The following SPATA16 variants were observed in gnomAD, a reference collection of about 807,000 sequenced individuals.
The protein encoded by SPATA16 is spermatogenesis associated 16, also known as spermatogenesis-associated protein 16.
A neutral mutation model predicts 63.3 loss-of-function variants in SPATA16; 36 were observed. The ratio of observed to expected loss-of-function variants is 0.57; its 90% CI spans 0.44 to 0.75. The LOEUF (loss-of-function observed/expected upper bound fraction) is 0.75. Among genes scored for constraint, SPATA16 ranks in the 30% least tolerant of loss-of-function variants. The pLI is 0.00. For missense variants in SPATA16, 646 were observed against 679.3 expected, an observed-to-expected ratio of 0.95 and a Z score of 0.54; for synonymous variants, 203 against 216.7, an observed-to-expected ratio of 0.94 and a Z score of 0.56.
intron 1 of SPATA16, among the ~76,000 whole-genome samples, chr3:173,122,804 C>T (rs1249651266): frequency 5.3e-5 from 8 of 152,206 alleles, no homozygotes; most frequent in African/African-American, 9.6e-5. Flanking sequence ...TTTACTAGAC[C>T]GTGAACTGCT....
intron 6 of SPATA16, among the ~76,000 whole-genome samples, chr3:172,937,439 C>T (rs575338144): frequency 6.6e-6 from 1 of 152,194 alleles, no homozygotes; most frequent in South Asian, 2.1e-4. Context: ...AATATACAAT[C>T]CCTTGGCTAT....
At chr3:172,955,453 G>A (rs909779658) in intron 6 of SPATA16, among the ~76,000 whole-genome samples, 7 of 151,970 alleles carry the variant, frequency 4.6e-5, no homozygotes, top group Non-Finnish European at 8.8e-5. Context: ...ATATGAGTTC[G>A]AAGACTTTTT....
chr3:172,928,961 A>G (rs1732801937), intron 6 of SPATA16, among the ~76,000 whole-genome samples: 1 of 152,202 alleles, frequency 6.6e-6, no homozygotes, highest in Admixed American at 6.5e-5. Context: ...CCAGATGTTG[A>G]ATCTCATGTA....
chr3:173,069,539 T>C (rs1736615231), intron 2 of SPATA16, among the ~76,000 whole-genome samples: 3 of 152,242 alleles, frequency 2.0e-5, no homozygotes, highest in African/African-American at 7.2e-5. Context: ...ACTTCACTGC[T>C]GAATTCTACC....
intron 6 of SPATA16, among the ~76,000 whole-genome samples, chr3:172,954,281 G>A (rs150609067): frequency 9.5e-4 from 145 of 152,298 alleles, no homozygotes; most frequent in African/African-American, 3.3e-3. Flanking sequence ...GAGAACTTGT[G>A]CAGGGGAACT....
At chr3:173,062,623 G>T (rs985680754) in intron 2 of SPATA16, among the ~76,000 whole-genome samples, 2 of 152,196 alleles carry the variant, frequency 1.3e-5, no homozygotes, top group East Asian at 3.9e-4. Flanking sequence ...TGAAATTCAG[G>T]TTTGCTGTCT....
intron 8 of SPATA16, among the ~76,000 whole-genome samples, chr3:172,923,127 A>G (rs114337344): frequency 0.019 from 2,884 of 152,208 alleles, 27 homozygotes; most frequent in Middle Eastern, 0.058. Flanking sequence ...CATGGGCCTG[A>G]TGATGAGGGT....
chr3:173,043,914 G>A (rs1735902718), intron 3 of SPATA16, among the ~76,000 whole-genome samples: 1 of 152,098 alleles, frequency 6.6e-6, no homozygotes, highest in Non-Finnish European at 1.5e-5. Context: ...GCACTTTAAA[G>A]TTGTCGTTCC....
chr3:173,020,820 C>T (rs1447005037), intron 3 of SPATA16, among the ~76,000 whole-genome samples: 1 of 152,118 alleles, frequency 6.6e-6, no homozygotes, highest in Non-Finnish European at 1.5e-5. Context: ...TGTTACAGAA[C>T]CAACGCATGA....
At chr3:173,032,861 G>A (rs1370169659) in intron 3 of SPATA16, among the ~76,000 whole-genome samples, 1 of 151,996 alleles carries the variant, frequency 6.6e-6, no homozygotes, top group African/African-American at 2.4e-5. Context: ...GCACATAATA[G>A]GCAGTCAATA....
intron 2 of SPATA16, among the ~76,000 whole-genome samples, chr3:173,071,015 G>GA (rs1221530373): frequency 6.6e-6 from 1 of 152,118 alleles, no homozygotes; most frequent in Non-Finnish European, 1.5e-5. Context: ...GCTATCCTGA[G>GA]AAAAAACAAT....
At chr3:172,899,242 A>G (rs1297987342) in intron 10 of SPATA16, among the ~76,000 whole-genome samples, 6 of 152,018 alleles carry the variant, frequency 3.9e-5, no homozygotes, top group African/African-American at 1.4e-4. Context: ...ATCTCCAACT[A>G]TAACTGTGGA....
intron 6 of SPATA16, among the ~76,000 whole-genome samples, chr3:172,935,898 T>C (rs1732980470): frequency 6.6e-6 from 1 of 152,118 alleles, no homozygotes. Context: ...TAACATTCTA[T>C]GGTATGGAAA....
Position 172,952,679 on chromosome 3 carries a change from C to T in SPATA16, c.1081+3998G>A, listed in dbSNP as rs143579212. Among the ~76,000 whole-genome samples, 149 of 152,208 alleles carry T rather than the reference C, an allele frequency of 9.8e-4. 1 individual carries two copies. The highest frequency in any genetic ancestry group is 3.4e-3 in the African/African-American group (143 of 41,524). On this transcript the variant is annotated intron_variant, in intron 6 of 10. Transcript: ENST00000351008. ...AGTTTGGGCCGGGTGCAGTGGCTCA[C>T]GCCTGTAATCCCAGCACTTTGGGAG... is the stretch of plus-strand genomic sequence containing the variant.
chr3:173,007,024 G>A (rs1734959890), intron 4 of SPATA16, among the ~76,000 whole-genome samples: 1 of 152,118 alleles, frequency 6.6e-6, no homozygotes, highest in Non-Finnish European at 1.5e-5. Flanking sequence ...TGTTTTTAAG[G>A]CAATTGATTG....
At chr3:172,982,403 G>A (rs914990612) in intron 4 of SPATA16, among the ~76,000 whole-genome samples, 1 of 152,144 alleles carries the variant, frequency 6.6e-6, no homozygotes, top group African/African-American at 2.4e-5. Flanking sequence ...AAGAGGAAAG[G>A]TATTGGGAAA....
intron 1 of SPATA16, among the ~76,000 whole-genome samples, chr3:173,140,732 A>G (rs1253578069): frequency 6.6e-6 from 1 of 152,180 alleles, no homozygotes; most frequent in Non-Finnish European, 1.5e-5. Context: ...TCCTCAAACT[A>G]TACACTTTAT....
intron 1 of SPATA16, among the ~76,000 whole-genome samples, chr3:173,136,338 C>T (rs1308812792): frequency 6.6e-6 from 1 of 151,914 alleles, no homozygotes; most frequent in Admixed American, 6.6e-5. Context: ...TTTATGCTAT[C>T]TTTTTAAAAA....
chr3:173,130,071 T>A lies in SPATA16; in HGVS notation c.-19+11032A>T, dbSNP rs1738330903. ...AGACAGGTAAAGATGAACATACAAA[T>A]CCTATAATCGCCCGGGCGCGGTGGC... On this transcript the variant is annotated intron_variant, in intron 1 of 10. Coordinates refer to ENST00000351008, the MANE Select transcript of SPATA16 (RefSeq NM_031955.6). Among the ~76,000 whole-genome samples the A allele has an allele frequency of 3.3e-5, 5 of 151,982 alleles. No individual in the cohort carries two copies. In the South Asian group the frequency reaches 1.0e-3, roughly 32 times the overall value.
Sources: gnomAD v4.1 joint callset for allele counts (sites outside exome capture counted in the v4.1 genomes callset) on GRCh38, gnomAD v4.1.1 for gene constraint, MANE v1.5 for transcripts, NCBI Gene and HGNC (gene_info 2026-07-23, HGNC 2026-07-21) for gene names.